The following ADAMTS12 variants were observed in gnomAD, a reference collection of about 807,000 sequenced individuals.
The protein encoded by ADAMTS12 is ADAM metallopeptidase with thrombospondin type 1 motif 12.
Under a neutral mutation model 167.8 loss-of-function variants are expected in ADAMTS12, and 118 were observed. The observed-to-expected ratio is 0.70, with a 90% CI of 0.61 to 0.82. The LOEUF (loss-of-function observed/expected upper bound fraction) is 0.82. Among genes scored for constraint, ADAMTS12 ranks in the 40% least tolerant of loss-of-function variants. The pLI is 0.00. For missense variants in ADAMTS12, 1,916 were observed against 1,998.8 expected (o/e 0.96, Z 0.79); for synonymous variants, 704 against 716.9 (o/e 0.98, Z 0.29).
intron 2 of ADAMTS12, among the ~76,000 whole-genome samples, chr5:33,795,002 T>A (rs901675527): frequency 6.6e-6 from 1 of 152,220 alleles, no homozygotes; most frequent in African/African-American, 2.4e-5. Context: ...CAAGTTTTTT[T>A]AAAAAAGACA....
At chr5:33,815,500 GC>G (rs1747617504) in intron 2 of ADAMTS12, among the ~76,000 whole-genome samples, 1 of 152,208 alleles carries the variant, frequency 6.6e-6, no homozygotes, top group Non-Finnish European at 1.5e-5. Flanking sequence ...CCATCCTGGT[GC>G]CCTGATCTCA....
chr5:33,826,089 C>T (rs73759420), intron 2 of ADAMTS12, among the ~76,000 whole-genome samples: 1,788 of 152,248 alleles, frequency 0.012, 36 homozygotes, highest in African/African-American at 0.041. Context: ...CTCTTAAAAA[C>T]AGGGAAGATG....
At chr5:33,812,265 G>A (rs1284557623) in intron 2 of ADAMTS12, among the ~76,000 whole-genome samples, 2 of 152,168 alleles carry the variant, frequency 1.3e-5, no homozygotes, top group Non-Finnish European at 2.9e-5. Flanking sequence ...CTCCAGCCTG[G>A]GTGACAGAGC....
chr5:33,769,417 C>T (rs1365985594), intron 2 of ADAMTS12, among the ~76,000 whole-genome samples: 1 of 152,158 alleles, frequency 6.6e-6, no homozygotes, highest in Non-Finnish European at 1.5e-5. Flanking sequence ...CTAATCCAGA[C>T]AAAAGCTAGT....
intron 3 of ADAMTS12, among the ~76,000 whole-genome samples, chr5:33,713,932 T>G (rs542363061): frequency 1.1e-3 from 174 of 152,262 alleles, no homozygotes; most frequent in Non-Finnish European, 2.1e-3. Context: ...AAGATCTCGT[T>G]TCTGACACCA....
intron 3 of ADAMTS12, among the ~76,000 whole-genome samples, chr5:33,693,729 C>T (rs868593523): frequency 1.3e-5 from 2 of 152,070 alleles, no homozygotes; most frequent in Admixed American, 6.6e-5. Context: ...TGACCAAAAG[C>T]TAGAAGCATT....
chr5:33,822,467 A>G (rs919262585), intron 2 of ADAMTS12, among the ~76,000 whole-genome samples: 3 of 152,208 alleles, frequency 2.0e-5, no homozygotes, highest in African/African-American at 4.8e-5. Context: ...TATATTTTCT[A>G]TAAGACCTCT....
intron 2 of ADAMTS12, among the ~76,000 whole-genome samples, chr5:33,851,145 G>A (rs1749206645): frequency 6.6e-6 from 1 of 152,202 alleles, no homozygotes; most frequent in Non-Finnish European, 1.5e-5. Flanking sequence ...AGACACAGTG[G>A]CTCATGCCTG....
At chr5:33,859,210 G>A (rs1178640572) in intron 2 of ADAMTS12, among the ~76,000 whole-genome samples, 2 of 152,222 alleles carry the variant, frequency 1.3e-5, no homozygotes, top group Admixed American at 1.3e-4. Context: ...AAGTGGTCTA[G>A]CTCCCCAGAT....
intron 16 of ADAMTS12, among the ~76,000 whole-genome samples, chr5:33,599,758 A>G (rs557274241): frequency 6.6e-6 from 1 of 152,306 alleles, no homozygotes; most frequent in Non-Finnish European, 1.5e-5. Flanking sequence ...ATTCATCTTC[A>G]GTGATACACT....
rs775261144 is a variant in ADAMTS12 at position 33,637,675 on chromosome 5, C to T, written c.1790G>A (p.Arg597His). The T allele has an allele frequency of 3.7e-6, 6 of 1,613,752 alleles. No homozygotes were observed. Among genetic ancestry groups the T allele is most frequent in the Admixed American group, 1.7e-5 (1 of 60,002 alleles). ...RYRLCNVHPC[R>H]SEAPTFRQMQ... Reference sequence around the variant, plus strand: ...CTGCCGAAATGTTGGTGCCTCTGAGCGACAGGGGTGGACGTTGCACAAGCG... The same window carrying T: ...CTGCCGAAATGTTGGTGCCTCTGAGTGACAGGGGTGGACGTTGCACAAGCG... Residue 597 changes from arginine (R) to histidine (H), a missense_variant, in exon 12 of 24, where the codon CGC becomes CAC. By Grantham distance (29) the Arg-to-His change is conservative. Transcript: ENST00000504830.
intron 3 of ADAMTS12, among the ~76,000 whole-genome samples, chr5:33,702,230 T>C (rs1337776326): frequency 6.6e-6 from 1 of 152,178 alleles, no homozygotes; most frequent in African/African-American, 2.4e-5. Context: ...GATAAGGTAA[T>C]TGATGTTAAT....
intron 3 of ADAMTS12, among the ~76,000 whole-genome samples, chr5:33,705,478 T>G (rs1185977920): frequency 6.6e-6 from 1 of 152,164 alleles, no homozygotes; most frequent in Non-Finnish European, 1.5e-5. Context: ...TCCAACAAGT[T>G]GTGAACATAT....
intron 10 of ADAMTS12, among the ~76,000 whole-genome samples, chr5:33,642,843 G>GT (rs1455341513): frequency 2.0e-5 from 3 of 152,120 alleles, no homozygotes; most frequent in African/African-American, 7.2e-5. Flanking sequence ...CACAAAACAT[G>GT]TAAGCTCTAG....
At chr5:33,692,044 C>T (rs1411547765) in intron 3 of ADAMTS12, among the ~76,000 whole-genome samples, 1 of 152,206 alleles carries the variant, frequency 6.6e-6, no homozygotes, top group Non-Finnish European at 1.5e-5. Context: ...ATGCCTGAGG[C>T]AATTTGTGCC....
chr5:33,888,409 C>T (rs1389180452), intron 1 of ADAMTS12, among the ~76,000 whole-genome samples: 1 of 152,182 alleles, frequency 6.6e-6, no homozygotes, highest in African/African-American at 2.4e-5. Context: ...GTTGGATTTG[C>T]TCATAAACTT....
At chr5:33,761,573 A>G (rs1173425740) in intron 2 of ADAMTS12, among the ~76,000 whole-genome samples, 1 of 152,240 alleles carries the variant, frequency 6.6e-6, no homozygotes, top group Non-Finnish European at 1.5e-5. Context: ...ACATTAATGA[A>G]TATTTATATC....
intron 2 of ADAMTS12, among the ~76,000 whole-genome samples, chr5:33,811,919 T>C (rs933754723): frequency 6.6e-6 from 1 of 152,042 alleles, no homozygotes; most frequent in African/African-American, 2.4e-5. Context: ...GATTTACAGA[T>C]GAACTTGGGA....
chr5:33,812,427 G>A (rs1181114557), intron 2 of ADAMTS12, among the ~76,000 whole-genome samples: 3 of 152,200 alleles, frequency 2.0e-5, no homozygotes, highest in African/African-American at 7.2e-5. Flanking sequence ...TGGGCAGCTC[G>A]TTGAATTTGT....
Sources: gnomAD v4.1 joint callset for allele counts (sites outside exome capture counted in the v4.1 genomes callset) on GRCh38, gnomAD v4.1.1 for gene constraint, MANE v1.5 for transcripts, NCBI Gene and HGNC (gene_info 2026-07-23, HGNC 2026-07-21) for gene names.